GNAQ: variants seen among roughly 807,000 people sequenced by gnomAD.
The protein encoded by GNAQ is G protein subunit alpha q, also known as guanine nucleotide-binding protein G(q) subunit alpha.
GNAQ carries 8 observed loss-of-function variants against 43.9 expected under a neutral mutation model. That is an observed-to-expected ratio of 0.18 (90% CI 0.11 to 0.33). The LOEUF (loss-of-function observed/expected upper bound fraction) is 0.33, where lower values mean the gene tolerates loss of function less well. GNAQ is among the 10% of genes least tolerant of loss of function. GNAQ has a pLI of 1.00. For missense variants in GNAQ, 158 were observed against 450.8 expected (o/e 0.35, Z 5.88); for synonymous variants, 155 against 170.7 (o/e 0.91, Z 0.71).
intron 1 of GNAQ, among the ~76,000 whole-genome samples, chr9:78,022,328 G>T (rs778646634): frequency 1.3e-5 from 2 of 152,192 alleles, no homozygotes; most frequent in Non-Finnish European, 2.9e-5. Flanking sequence ...GGTCCTTAGA[G>T]ATCATCTGCT....
At chr9:78,015,104 C>T (rs1251480825) in intron 1 of GNAQ, among the ~76,000 whole-genome samples, 2 of 152,174 alleles carry the variant, frequency 1.3e-5, no homozygotes, top group African/African-American at 4.8e-5. Flanking sequence ...ATGGTAAGTG[C>T]GCTCTATGTG....
At chr9:77,822,933 G>GT (rs879529744) in intron 2 of GNAQ, among the ~76,000 whole-genome samples, 2,610 of 144,178 alleles carry the variant, frequency 0.018, 50 homozygotes, top group African/African-American at 0.047. Context: ...TTTAGAAGTT[G>GT]TTTTTTTTTT....
chr9:77,766,516 G>A (rs983262177), intron 5 of GNAQ, among the ~76,000 whole-genome samples: 15 of 152,176 alleles, frequency 9.9e-5, no homozygotes, highest in African/African-American at 3.6e-4. Flanking sequence ...CTCATTTGAT[G>A]AGACTTCTGG....
At chr9:77,765,295 A>G (rs1282671384) in intron 5 of GNAQ, among the ~76,000 whole-genome samples, 1 of 151,610 alleles carries the variant, frequency 6.6e-6, no homozygotes. Context: ...TTGGTAAACT[A>G]AAGAAAATAA....
chr9:77,982,712 T>C (rs1823382798), intron 1 of GNAQ, among the ~76,000 whole-genome samples: 1 of 148,510 alleles, frequency 6.7e-6, no homozygotes, highest in Non-Finnish European at 1.5e-5. Context: ...TCTACCTGTA[T>C]CGAACTGTTG....
At chr9:77,731,202 G>A (rs1825481846) in intron 5 of GNAQ, among the ~76,000 whole-genome samples, 1 of 152,124 alleles carries the variant, frequency 6.6e-6, no homozygotes, top group African/African-American at 2.4e-5. Context: ...GAGACAGGGA[G>A]GGGAAGTGAC....
Position 77,941,654 on chromosome 9 carries a change from T to C in GNAQ, c.137-19309A>G, listed in dbSNP as rs1284969080. On this transcript the variant is annotated intron_variant, in intron 1 of 6. Coordinates refer to ENST00000286548, the MANE Select transcript of GNAQ (RefSeq NM_002072.5). The stretch of plus-strand genomic sequence containing the variant: ...TCATGTATGTTGCAAATATTAGCTA[T>C]TGGATGTGTATTCACAGTTGATTAA... Among the ~76,000 whole-genome samples the C allele has an allele frequency of 5.3e-5, 8 of 152,286 alleles. No homozygotes were observed. The East Asian group carries it at 7.7e-4, about 15-fold the overall frequency.
chr9:77,934,948 A>T (rs373720640), intron 1 of GNAQ, among the ~76,000 whole-genome samples: 18 of 152,230 alleles, frequency 1.2e-4, no homozygotes, highest in East Asian at 9.7e-4. Flanking sequence ...AACATGGTGG[A>T]ACCCCGTCAA....
chr9:77,981,317 GA>G (rs1354573783), intron 1 of GNAQ, among the ~76,000 whole-genome samples: 1 of 152,150 alleles, frequency 6.6e-6, no homozygotes, highest in Admixed American at 6.5e-5. Context: ...AAAAAGAGAG[GA>G]AAAAATATAA....
At chr9:77,809,926 T>C (rs559946554) in intron 3 of GNAQ, among the ~76,000 whole-genome samples, 2 of 152,316 alleles carry the variant, frequency 1.3e-5, no homozygotes, top group Non-Finnish European at 2.9e-5. Context: ...ATCTGTAACT[T>C]AGAACATCTT....
At chr9:77,858,574 C>A (rs908657315) in intron 2 of GNAQ, among the ~76,000 whole-genome samples, 1 of 152,116 alleles carries the variant, frequency 6.6e-6, no homozygotes, top group African/African-American at 2.4e-5. Flanking sequence ...CGTGTGGCTT[C>A]TTCTCAGTCT....
intron 2 of GNAQ, among the ~76,000 whole-genome samples, chr9:77,906,678 G>A (rs891901069): frequency 3.3e-5 from 5 of 152,164 alleles, no homozygotes; most frequent in Admixed American, 3.3e-4. Flanking sequence ...TAATTTATGG[G>A]AAATGTAACC....
intron 1 of GNAQ, among the ~76,000 whole-genome samples, chr9:78,000,825 C>T (rs550892772): frequency 6.6e-6 from 1 of 152,246 alleles, no homozygotes; most frequent in East Asian, 1.9e-4. Flanking sequence ...TTAAATGGCA[C>T]ATCCAAAAAC....
intron 5 of GNAQ, among the ~76,000 whole-genome samples, chr9:77,766,241 T>A (rs1217354312): frequency 6.6e-6 from 1 of 152,204 alleles, no homozygotes; most frequent in African/African-American, 2.4e-5. Context: ...ACAATAAAAA[T>A]TTTTTATCAG....
chr9:77,752,526 T>G (rs1372689968), intron 5 of GNAQ, among the ~76,000 whole-genome samples: 1 of 152,228 alleles, frequency 6.6e-6, no homozygotes, highest in Non-Finnish European at 1.5e-5. Context: ...TTACAGCTGA[T>G]CTAACTGCAA....
intron 1 of GNAQ, among the ~76,000 whole-genome samples, chr9:77,986,473 C>T (rs1297854109): frequency 1.3e-5 from 2 of 152,112 alleles, no homozygotes; most frequent in African/African-American, 4.8e-5. Context: ...CTCCTCCTAC[C>T]ATCATTCTTT....
chr9:77,935,343 T>C (rs1307032808), intron 1 of GNAQ, among the ~76,000 whole-genome samples: 3 of 152,144 alleles, frequency 2.0e-5, no homozygotes, highest in Non-Finnish European at 2.9e-5. Context: ...CAGCAAGGAC[T>C]CTTGAAAGTA....
chr9:77,922,976 T>C (rs534983223), intron 1 of GNAQ, among the ~76,000 whole-genome samples: 1 of 152,010 alleles, frequency 6.6e-6, no homozygotes, highest in South Asian at 2.1e-4. Context: ...AGCCTCCCCA[T>C]AGCTGGAACT....
chr9:77,961,018 C>G (rs921216791), intron 1 of GNAQ, among the ~76,000 whole-genome samples: 2 of 152,082 alleles, frequency 1.3e-5, no homozygotes, highest in African/African-American at 4.8e-5. Context: ...ACAAACAGAA[C>G]AGTTCAAATT....
Sources: gnomAD v4.1 joint callset for allele counts (sites outside exome capture counted in the v4.1 genomes callset) on GRCh38, gnomAD v4.1.1 for gene constraint, MANE v1.5 for transcripts, NCBI Gene and HGNC (gene_info 2026-07-23, HGNC 2026-07-21) for gene names.